Variants in LRFN5 observed in about 807,000 individuals in gnomAD.
LRFN5 encodes leucine-rich repeat and fibronectin type-III domain-containing protein 5.
LRFN5 carries 24 observed loss-of-function variants against 45.6 expected under a neutral mutation model. The ratio of observed to expected loss-of-function variants is 0.53; its 90% CI spans 0.38 to 0.74. The LOEUF is 0.74. LRFN5 is among the 30% of genes least tolerant of loss of function. The pLI, the probability that LRFN5 is intolerant of heterozygous loss-of-function variation, is 0.00. For missense variants in LRFN5, 776 were observed against 861.5 expected (o/e 0.90, Z 1.24); for synonymous variants, 340 against 313.8 (o/e 1.08, Z -0.88).
In LRFN5 at chr14:41,893,402, T is replaced by G. The variant is rs1286940117; in HGVS notation, c.2098+1440T>G. 3 of 985,126 alleles carry G rather than the reference T, an allele frequency of 3.0e-6. No individual in the cohort carries two copies. In the East Asian group the frequency reaches 3.4e-4, roughly 112 times the overall value. 61.0% of individuals were successfully genotyped at this position (985,126 alleles called of 1,614,324 possible). ...TCAAAGAGGTTTTATTTTGTTTTGT[T>G]TTGAGAATAAGGCTCACCTGAGAAC... is the stretch of plus-strand genomic sequence containing the variant. On this transcript the variant is annotated intron_variant, in intron 4 of 5. Transcript: ENST00000298119.
chr14:41,791,854 C>A (rs1407189589), intron 2 of LRFN5, among the ~76,000 whole-genome samples: 1 of 152,086 alleles, frequency 6.6e-6, no homozygotes, highest in African/African-American at 2.4e-5. Flanking sequence ...TTGAATGTCA[C>A]TATGAACTAA....
intron 2 of LRFN5, among the ~76,000 whole-genome samples, chr14:41,793,476 A>C (rs1011780225): frequency 6.6e-6 from 1 of 152,090 alleles, no homozygotes; most frequent in African/African-American, 2.4e-5. Flanking sequence ...CTTTTTAAAT[A>C]TATTTTCTCA....
chr14:41,787,511 C>CTTTT (rs144086718), intron 2 of LRFN5, among the ~76,000 whole-genome samples: 1 of 148,656 alleles, frequency 6.7e-6, no homozygotes, highest in Non-Finnish European at 1.5e-5. Flanking sequence ...CTTTTTTTGT[C>CTTTT]TTTTTTTTTT....
At chr14:41,786,691 A>C (rs1299233046) in intron 2 of LRFN5, among the ~76,000 whole-genome samples, 1 of 151,596 alleles carries the variant, frequency 6.6e-6, no homozygotes, top group African/African-American at 2.4e-5. Flanking sequence ...TGTTGCTTCA[A>C]ATTTCTTTCT....
At chr14:41,731,630 T>A (rs985658835) in intron 1 of LRFN5, 1 of 152,176 alleles carries the variant, frequency 6.6e-6, no homozygotes, top group Non-Finnish European at 1.5e-5. Context: ...AATTGTCACC[T>A]ATAGCCTGCA....
chr14:41,857,505 A>G (rs976363770), intron 2 of LRFN5, among the ~76,000 whole-genome samples: 10 of 152,188 alleles, frequency 6.6e-5, no homozygotes, highest in Non-Finnish European at 1.2e-4. Flanking sequence ...TCAAGTAAGC[A>G]AGGTTATTTA....
intron 2 of LRFN5, among the ~76,000 whole-genome samples, chr14:41,870,544 G>A (rs1889984018): frequency 6.6e-6 from 1 of 152,054 alleles, no homozygotes; most frequent in South Asian, 2.1e-4. Flanking sequence ...AAACCATCAG[G>A]TTTCTTGAGA....
chr14:41,698,405 A>T (rs1260971362), intron 1 of LRFN5, among the ~76,000 whole-genome samples: 1 of 152,102 alleles, frequency 6.6e-6, no homozygotes, highest in Non-Finnish European at 1.5e-5. Flanking sequence ...TGTTTTTTGC[A>T]CATTGAATTT....
At chr14:41,677,900 G>T (rs1881707721) in intron 1 of LRFN5, among the ~76,000 whole-genome samples, 1 of 151,946 alleles carries the variant, frequency 6.6e-6, no homozygotes, top group African/African-American at 2.4e-5. Context: ...TTAACCCTAA[G>T]TATGATAAAT....
chr14:41,762,506 T>G (rs1885713939), intron 1 of LRFN5, among the ~76,000 whole-genome samples: 1 of 152,156 alleles, frequency 6.6e-6, no homozygotes, highest in Non-Finnish European at 1.5e-5. Context: ...TCTAATTTAC[T>G]TTTAAAGTAG....
chr14:41,677,282 G>A (rs1329547213), intron 1 of LRFN5, among the ~76,000 whole-genome samples: 5 of 152,112 alleles, frequency 3.3e-5, no homozygotes, highest in African/African-American at 1.2e-4. Context: ...GATGAATAAC[G>A]AGAGTCACTA....
At chr14:41,759,943 C>T (rs767232633) in intron 1 of LRFN5, among the ~76,000 whole-genome samples, 1 of 152,278 alleles carries the variant, frequency 6.6e-6, no homozygotes, top group South Asian at 2.1e-4. Context: ...TTCATGCAGT[C>T]GTGGAAATAA....
At chr14:41,872,943 G>A (rs376239246) in intron 2 of LRFN5, among the ~76,000 whole-genome samples, 115 of 152,306 alleles carry the variant, frequency 7.6e-4, no homozygotes, top group African/African-American at 2.6e-3. Context: ...AGTTTATTCT[G>A]TTTTTTCACT....
chr14:41,674,253 T>C (rs1881450237), intron 1 of LRFN5, among the ~76,000 whole-genome samples: 1 of 113,734 alleles, frequency 8.8e-6, no homozygotes, highest in Non-Finnish European at 1.8e-5. Flanking sequence ...GCAGAGGGGC[T>C]CCTCACTTCC....
intron 1 of LRFN5, among the ~76,000 whole-genome samples, chr14:41,642,437 A>G (rs981878974): frequency 3.3e-5 from 5 of 152,204 alleles, no homozygotes; most frequent in Admixed American, 2.6e-4. Context: ...ATGAAAATAC[A>G]TGAGGCAGCA....
chr14:41,834,335 C>G (rs1036290941), intron 2 of LRFN5, among the ~76,000 whole-genome samples: 6 of 152,116 alleles, frequency 3.9e-5, no homozygotes, highest in African/African-American at 1.2e-4. Flanking sequence ...TTCATTTACT[C>G]ACTTACTTAC....
At chr14:41,672,191 A>G (rs1048190440) in intron 1 of LRFN5, among the ~76,000 whole-genome samples, 1 of 152,194 alleles carries the variant, frequency 6.6e-6, no homozygotes, top group African/African-American at 2.4e-5. Context: ...AGGATAACAC[A>G]TGTAACATGC....
intron 2 of LRFN5, among the ~76,000 whole-genome samples, chr14:41,779,802 A>G (rs1429804711): frequency 1.3e-5 from 2 of 151,844 alleles, no homozygotes; most frequent in African/African-American, 4.8e-5. Flanking sequence ...TGTACATTGA[A>G]CCAGTAATAT....
intron 2 of LRFN5, among the ~76,000 whole-genome samples, chr14:41,875,168 A>G (rs1405113982): frequency 6.6e-6 from 1 of 152,226 alleles, no homozygotes; most frequent in Non-Finnish European, 1.5e-5. Context: ...AGTTTTATAT[A>G]TGAATTATCT....
Sources: allele counts gnomAD v4.1 joint callset (sites outside exome capture counted in the v4.1 genomes callset), GRCh38; gene constraint gnomAD v4.1.1; transcripts MANE v1.5; gene names NCBI Gene and HGNC (gene_info 2026-07-23, HGNC 2026-07-21).